The following THYN1 variants were observed in gnomAD, a reference collection of about 807,000 sequenced individuals.
THYN1 encodes thymocyte nuclear protein 1.
Under a neutral mutation model 30.6 loss-of-function variants are expected in THYN1, and 32 were observed. That is an observed-to-expected ratio of 1.05 (90% CI 0.79 to 1.40). THYN1 has a LOEUF of 1.40. THYN1 is among the 40% of genes most tolerant of loss of function. THYN1 has a pLI of 0.00. For synonymous variants in THYN1, 107 were observed against 90.8 expected (o/e 1.18, Z -1.01); for missense variants, 259 against 272.6 (o/e 0.95, Z 0.35).
In THYN1 at chr11:134,252,871, G is replaced by A. The variant is rs544432548; in HGVS notation, c.12C>T (p.Pro4=). 5.0e-6 allele frequency: 8 copies of A among 1,606,386 alleles called. No individual in the cohort carries two copies. Among genetic ancestry groups the A allele is most frequent in the Non-Finnish European group, 6.8e-6 (8 of 1,177,830 alleles). The stretch of plus-strand genomic sequence containing the variant: ...CAGAAGTCCCAGCCAGCCTCTTCCG[G>A]GGTCTCGACATGGTCACGCTGCAGG... The part of the protein sequence containing the change: MSR[P]RKRLAGTSGS... Residue 4 remains proline (P), a synonymous_variant, in exon 1 of 7, where the codon CCC becomes CCT. Coordinates refer to ENST00000341541, the MANE Select transcript of THYN1 (RefSeq NM_014174.3).
At chr11:134,250,750 A>G (rs768244660) in intron 2 of THYN1, among the ~76,000 whole-genome samples, 1 of 152,346 alleles carries the variant, frequency 6.6e-6, no homozygotes, top group Non-Finnish European at 1.5e-5. Flanking sequence ...TGAGGTTGGC[A>G]GACTATAGCC....
In THYN1 at chr11:134,251,241, G is replaced by A. The variant is rs765030577; in HGVS notation, c.111C>T (p.Asp37=). Residue 37 remains aspartate (D), a synonymous_variant, in exon 2 of 7, where the codon GAC becomes GAT. Coordinates refer to ENST00000341541, the MANE Select transcript of THYN1 (RefSeq NM_014174.3). ...NSGEALAKVE[D]SNPQKTSATK... ...TGGCTGAAGTCTTCTGAGGGTTGGA[G>A]TCCTCCACTTTAGCTAATGCCTCAC... is the stretch of plus-strand genomic sequence containing the variant. The A allele has an allele frequency of 1.2e-6, 2 of 1,614,208 alleles. No individual in the cohort carries two copies. The highest frequency in any genetic ancestry group is 1.7e-6 in the Non-Finnish European group (2 of 1,180,040).
Position 134,251,133 on chromosome 11 carries a change from C to T in THYN1, c.219G>A (p.Val73=), listed in dbSNP as rs752280501. ...PESRLEKGVD[V]KFSIEDLKAQ... ...GGAGACAGGTCAAGGGTCTCACCTT[C>T]ACATCTACACCTTTCTCTAGGCGGC... Residue 73 remains valine (V), a synonymous_variant, in exon 2 of 7, where the codon GTG becomes GTA. Coordinates refer to ENST00000341541, the MANE Select transcript of THYN1 (RefSeq NM_014174.3). The T allele has an allele frequency of 5.8e-5, 94 of 1,608,004 alleles. 1 individual carries two copies. In the Middle Eastern group the frequency reaches 1.5e-3, roughly 26 times the overall value.
intron 6 of THYN1, 107 bp from the exon 7 acceptor site, chr11:134,248,591 G>T: frequency 6.9e-7 from 1 of 1,454,756 alleles, no homozygotes; most frequent in Non-Finnish European, 9.6e-7. Flanking sequence ...AAGGCGAGCA[G>T]TCATTCGTTC....
Position 134,248,896 on chromosome 11 carries a change from G to C in THYN1, c.544C>G (p.His182Asp). The change falls in exon 6 of 7, where the codon CAT becomes GAT. Residue 182 changes from histidine to aspartate, a missense_variant. His to Asp is a moderately conservative substitution (Grantham distance 81). Transcript: ENST00000341541. ...CCACCAGTAGCTTTGTGAGCTTGATGATAGGATTTGAGCTCAGCCAGGGGA... is the reference window on the plus strand; with the variant it reads ...CCACCAGTAGCTTTGTGAGCTTGATCATAGGATTTGAGCTCAGCCAGGGGA... ...FIPLAELKSYHQAHKATGGPL... is the reference protein window; with the variant it reads ...FIPLAELKSYDQAHKATGGPL... The C allele has an allele frequency of 1.2e-6, 2 of 1,614,202 alleles. No individual in the cohort carries two copies. The highest frequency in any genetic ancestry group is 1.7e-6 in the Non-Finnish European group (2 of 1,180,022).
chr11:134,249,077 G>T, intron 5 of THYN1, 90 bp downstream of exon 5: 3 of 1,545,224 alleles, frequency 1.9e-6, no homozygotes. Flanking sequence ...GTAAGTGCTG[G>T]GCCGTGTACC....
At chr11:134,250,208 CGTCATGAGGAGGAGGCA>C (rs979914765) in intron 3 of THYN1, 50 bp downstream of exon 3, 4 of 1,562,142 alleles carry the variant, frequency 2.6e-6, no homozygotes, top group Non-Finnish European at 3.5e-6. Flanking sequence ...CTACTGAGTA[CGTCATGAGGAGGAGGCA>C]GGCATTCATC....
In THYN1 at chr11:134,251,220, T is replaced by TGAAGTCTTCTGAGGGTTGGAGTCCTCC. The variant is rs756987930; in HGVS notation, c.105_131dup (p.Glu36_Ser44dup). On this transcript the variant is annotated inframe_insertion, in exon 2 of 7. Coordinates refer to ENST00000341541, the MANE Select transcript of THYN1 (RefSeq NM_014174.3). ...GATTCTTCAAACAGTTTTTAGTGGC[T>TGAAGTCTTCTGAGGGTTGGAGTCCTCC]GAAGTCTTCTGAGGGTTGGAGTCCT... 1.1e-5 allele frequency: 17 copies of TGAAGTCTTCTGAGGGTTGGAGTCCTCC among 1,614,150 alleles called. No individual in the cohort carries two copies. The highest frequency in any genetic ancestry group is 1.4e-5 in the Non-Finnish European group (17 of 1,180,056).
rs1939192773 is a variant in THYN1, at chr11:134,252,981, G to A, written c.-99C>T. 6.7e-7 allele frequency: 1 copy of A among 1,484,420 alleles called. No homozygotes were observed. Among genetic ancestry groups the A allele is most frequent in the Non-Finnish European group, 8.9e-7 (1 of 1,121,470 alleles). 92.0% of individuals were successfully genotyped at this position (1,484,420 alleles called of 1,614,324 possible). ...TCCAAAACCCGCGCAGAGCGAGATG[G>A]AGGCAACGAGAGGCAGCCTAGAACG... On this transcript the variant is annotated 5_prime_UTR_variant, in exon 1 of 7. Coordinates refer to ENST00000341541, the MANE Select transcript of THYN1 (RefSeq NM_014174.3).
At chr11:134,248,997 T>C (rs766335101) in intron 5 of THYN1, 38 bp from the exon 6 acceptor site, 1 of 1,611,500 alleles carries the variant, frequency 6.2e-7, no homozygotes, top group South Asian at 1.1e-5. Flanking sequence ...AAGACGTGTC[T>C]AGGCTGACTG....
chr11:134,251,634 C>T, intron 1 of THYN1: 1 of 231,228 alleles, frequency 4.3e-6, no homozygotes, highest in South Asian at 1.4e-4. Flanking sequence ...AAAGAGGAAA[C>T]TGAGCACCTA....
At chr11:134,252,701 T>C (rs756733353) in intron 1 of THYN1, 139 bp downstream of exon 1, 4 of 948,392 alleles carry the variant, frequency 4.2e-6, no homozygotes, top group Non-Finnish European at 6.4e-6. Context: ...GTAAAGAAGA[T>C]GGAGAGTGAT....
At chr11:134,250,753 C>CTA (rs774703600) in intron 2 of THYN1, among the ~76,000 whole-genome samples, 2 of 152,170 alleles carry the variant, frequency 1.3e-5, no homozygotes, top group African/African-American at 4.8e-5. Context: ...GGTTGGCAGA[C>CTA]TATAGCCTTC....
chr11:134,249,122 TG>T, intron 5 of THYN1, 44 bp downstream of exon 5: 1 of 1,586,736 alleles, frequency 6.3e-7, no homozygotes, highest in Non-Finnish European at 8.6e-7. Context: ...CTTCTTCCCC[TG>T]GTTCATCCTT....
Position 134,250,295 on chromosome 11 carries a change from C to T in THYN1, c.271G>A (p.Asp91Asn), listed in dbSNP as rs984808878. ...KAQPKQTTCWDGVRNYQARNF... is the reference protein window; with the variant it reads ...KAQPKQTTCWNGVRNYQARNF... Reference sequence around the variant, plus strand: ...CTTACCTGGTAGTTACGAACACCATCCCAGCATGTTGTCTGTTTGGGCTGT... The same window carrying T: ...CTTACCTGGTAGTTACGAACACCATTCCAGCATGTTGTCTGTTTGGGCTGT... The change falls in exon 3 of 7, where the codon GAT becomes AAT. Residue 91 changes from aspartate (D) to asparagine (N), a missense_variant. Asp to Asn is a conservative substitution (Grantham distance 23, BLOSUM62 1). Transcript: ENST00000341541. The T allele has an allele frequency of 1.2e-6, 2 of 1,614,212 alleles. No homozygotes were observed. The highest frequency in any genetic ancestry group is 8.5e-7 in the Non-Finnish European group (1 of 1,180,034).
intron 5 of THYN1, 99 bp from the exon 6 acceptor site, chr11:134,249,058 C>G (rs1188016966): frequency 6.4e-7 from 1 of 1,551,374 alleles, no homozygotes; most frequent in Non-Finnish European, 8.8e-7. Context: ...TCAGTATCAC[C>G]TCATCTGAGT....
rs1310844074 is a variant in THYN1, at chr11:134,248,871, C to A, written c.569G>T (p.Gly190Val). ...GAAGAGAACCATATTTTTTAAGGGG[C>A]CACCAGTAGCTTTGTGAGCTTGATG... ...SYHQAHKATG[G>V]PLKNMVLFTR... is the part of the protein sequence containing the mutation. The change falls in exon 6 of 7, where the codon GGC (glycine) becomes GTC (valine). Residue 190 changes from glycine to valine, a missense_variant. Transcript: ENST00000341541. The A allele has an allele frequency of 1.2e-6, 2 of 1,614,154 alleles. No homozygotes were observed. The highest frequency in any genetic ancestry group is 1.7e-6 in the Non-Finnish European group (2 of 1,180,028).
intron 3 of THYN1, 51 bp from the exon 4 acceptor site, chr11:134,249,971 T>C: frequency 6.5e-7 from 1 of 1,550,014 alleles, no homozygotes; most frequent in Non-Finnish European, 8.8e-7. Flanking sequence ...TGGAAAGTAC[T>C]AGCTTTTAGC....
intron 1 of THYN1, 40 bp from the exon 2 acceptor site, chr11:134,251,348 A>G (rs1939040788): frequency 6.3e-7 from 1 of 1,575,530 alleles, no homozygotes; most frequent in South Asian, 1.2e-5. Context: ...CATGCTTGTT[A>G]AAGGCAATGT....
Sources: gnomAD v4.1 joint callset for allele counts (sites outside exome capture counted in the v4.1 genomes callset) on GRCh38, gnomAD v4.1.1 for gene constraint, MANE v1.5 for transcripts, NCBI Gene and HGNC (gene_info 2026-07-23, HGNC 2026-07-21) for gene names.